BRD8: variants seen among roughly 807,000 people sequenced by gnomAD.
BRD8 encodes the protein bromodomain-containing protein 8.
BRD8 carries 67 observed loss-of-function variants against 143.1 expected under a neutral mutation model. The ratio of observed to expected loss-of-function variants is 0.47; its 90% CI spans 0.38 to 0.57. The LOEUF (loss-of-function observed/expected upper bound fraction) is 0.57, where lower values mean the gene tolerates loss of function less well. BRD8 is among the 20% of genes least tolerant of loss of function. BRD8 has a pLI of 0.00. For missense variants in BRD8, 1,103 were observed against 1,503.0 expected (o/e 0.73, Z 4.40); for synonymous variants, 505 against 517.1 (o/e 0.98, Z 0.32).
At chr5:138,163,046 A>C in intron 15 of BRD8, 84 bp downstream of exon 15, 1 of 1,181,978 alleles carries the variant, frequency 8.5e-7, no homozygotes, top group Non-Finnish European at 1.2e-6. Flanking sequence ...GAAAAGAGAA[A>C]AGACAGGAAG....
In BRD8 at chr5:138,145,895, T is replaced by C; in HGVS notation, c.3279-17A>G. 1 of 1,602,146 alleles carries C rather than the reference T, an allele frequency of 6.2e-7. No individual in the cohort carries two copies. The highest frequency in any genetic ancestry group is 1.1e-5 in the South Asian group (1 of 90,682). On this transcript the variant is annotated splice_polypyrimidine_tract_variant and intron_variant, in intron 23 of 26. Transcript: ENST00000254900. ...AGATCAGTCCTATGAGGATAAAACA[T>C]GAAGAAAAGAGACAGTAACTTCACA... is the stretch of plus-strand genomic sequence containing the variant.
rs945540303 is a variant in BRD8, at chr5:138,149,937, G to A, written c.3121-140C>T. ...AAAGCTACAAAAGAAATTAAAGAAA[G>A]CTGACTTAACTAGATTTAAGTTAAT... is the stretch of plus-strand genomic sequence containing the variant. On this transcript the variant is annotated intron_variant, in intron 22 of 26. Coordinates refer to ENST00000254900, the MANE Select transcript of BRD8 (RefSeq NM_139199.2). 2.3e-5 allele frequency: 18 copies of A among 788,976 alleles called. No individual in the cohort carries two copies. In the Admixed American group the frequency reaches 6.4e-4, roughly 28 times the overall value. 48.9% of individuals were successfully genotyped at this position (788,976 alleles called of 1,614,324 possible).
Position 138,145,254 on chromosome 5 carries a change from G to A in BRD8, c.3369-9C>T. On this transcript the variant is annotated splice_polypyrimidine_tract_variant and intron_variant, in intron 24 of 26. Transcript: ENST00000254900. The stretch of plus-strand genomic sequence containing the variant: ...GAAATGGACTGCTGAACCTGTTAAG[G>A]GACAAACCCAGAGAGGATAAAGAAA... 1 of 1,613,510 alleles carries A rather than the reference G, an allele frequency of 6.2e-7. No homozygotes were observed. Among genetic ancestry groups the A allele is most frequent in the Non-Finnish European group, 8.5e-7 (1 of 1,179,834 alleles).
intron 20 of BRD8, among the ~76,000 whole-genome samples, chr5:138,154,222 A>T (rs1201192305): frequency 6.6e-6 from 1 of 152,124 alleles, no homozygotes; most frequent in Non-Finnish European, 1.5e-5. Flanking sequence ...TAAATTTCTC[A>T]ATCTGCCAAA....
Position 138,164,999 on chromosome 5 carries a change from T to A in BRD8, c.1446A>T (p.Gln482His), listed in dbSNP as rs1275610751. Residue 482 changes from glutamine (Q) to histidine (H), a missense_variant, in exon 12 of 27, where the codon CAA becomes CAT. This residue lies in a region of BRD8 where 139 missense variants were observed against 139.0 expected (regional missense o/e 1.00). Coordinates refer to ENST00000254900, the MANE Select transcript of BRD8 (RefSeq NM_139199.2). Reference protein sequence around the residue: ...PLPAPEMTVKQERLDFEETEN... With the variant: ...PLPAPEMTVKHERLDFEETEN... The stretch of plus-strand genomic sequence containing the variant: ...CCGTTTCCTCAAAGTCCAGTCTCTC[T>A]TGCTTGACCGTCATTTCTGGTGCAG... 6.2e-7 allele frequency: 1 copy of A among 1,614,068 alleles called. No individual in the cohort carries two copies. Among genetic ancestry groups the A allele is most frequent in the African/African-American group, 1.3e-5 (1 of 74,936 alleles).
Position 138,164,838 on chromosome 5 carries a change from G to A in BRD8, c.1607C>T (p.Pro536Leu), listed in dbSNP as rs746201554. The change falls in exon 12 of 27, where the codon CCA becomes CTA. Residue 536 changes from proline to leucine, a missense_variant. Pro to Leu is a moderately conservative substitution (Grantham distance 98). Transcript: ENST00000254900. ...AGVVPATSME[P>L]PELRSQDLDE... The stretch of plus-strand genomic sequence containing the variant: ...TAAGTCCTGACTCCTGAGTTCTGGT[G>A]GCTCCATACTTGTGGCTGGAACAAC... The A allele has an allele frequency of 1.2e-5, 20 of 1,614,080 alleles. No individual in the cohort carries two copies. The highest frequency in any genetic ancestry group is 1.5e-5 in the Non-Finnish European group (18 of 1,180,038).
intron 11 of BRD8, 118 bp from the exon 12 acceptor site, chr5:138,165,284 T>A: frequency 9.0e-7 from 1 of 1,110,270 alleles, no homozygotes; most frequent in Non-Finnish European, 1.3e-6. Context: ...TTTTTCCATG[T>A]AGTGGAGGCA....
chr5:138,163,111 A>G lies in BRD8; in HGVS notation c.2087+19T>C. 1.9e-6 allele frequency: 3 copies of G among 1,611,244 alleles called. No individual in the cohort carries two copies. Among genetic ancestry groups the G allele is most frequent in the Non-Finnish European group, 2.5e-6 (3 of 1,177,808 alleles). ...ACCTTCACTGCCTTGGCCTCAAAGA[A>G]AGAATCTCAGATACTCACAACTGTG... On this transcript the variant is annotated intron_variant, in intron 15 of 26. Transcript: ENST00000254900.
chr5:138,162,784 C>T (rs4639218), intron 15 of BRD8, among the ~76,000 whole-genome samples: 61,645 of 151,592 alleles, frequency 0.41, 12,788 homozygotes, highest in East Asian at 0.59. Context: ...AACGCTTGAG[C>T]TCAGGAGTTT....
At chr5:138,151,891 G>A (rs984505381) in intron 21 of BRD8, among the ~76,000 whole-genome samples, 10 of 151,890 alleles carry the variant, frequency 6.6e-5, no homozygotes, top group Admixed American at 2.6e-4. Flanking sequence ...GTTTCGCTCT[G>A]TCGCCCAGGC....
At position 138,177,295 on chromosome 5, in the gene BRD8, C is replaced by T. The variant is rs1421488199; in HGVS notation, c.116+276G>A. 4 of 235,846 alleles carry T rather than the reference C, an allele frequency of 1.7e-5. 1 individual carries two copies. Among genetic ancestry groups the T allele is most frequent in the Middle Eastern group, 3.6e-3 (2 of 548 alleles). 14.6% of individuals were successfully genotyped at this position (235,846 alleles called of 1,614,324 possible). On this transcript the variant is annotated intron_variant, in intron 2 of 26. Coordinates refer to ENST00000254900, the MANE Select transcript of BRD8 (RefSeq NM_139199.2). ...CTGTAATCCCAGCACTCTGGCAGGC[C>T]GAGGTGGGGGGATCACCTGAGGTCA...
At position 138,157,203 on chromosome 5, in the gene BRD8, AG is replaced by A. The variant is rs758885026; in HGVS notation, c.2577+2351del. On this transcript the variant is annotated intron_variant, in intron 20 of 26. Coordinates refer to ENST00000254900, the MANE Select transcript of BRD8 (RefSeq NM_139199.2). ...GTTCGGCTCAAAGAGGGTAACTCTG[AG>A]GCTTCACTTTTTCATCTTCATATCT... 1.9e-6 allele frequency: 3 copies of A among 1,613,222 alleles called. No individual in the cohort carries two copies. The South Asian group carries it at 3.3e-5, about 18-fold the overall frequency.
intron 1 of BRD8, 25 bp from the exon 2 acceptor site, chr5:138,177,692 A>AAC (rs397721863): frequency 3.4e-6 from 5 of 1,466,234 alleles, no homozygotes; most frequent in Non-Finnish European, 4.7e-6. Context: ...AAAAAAAAAA[A>AAC]GCCTTGGAAA....
intron 7 of BRD8, 51 bp from the exon 8 acceptor site, chr5:138,169,409 A>G (rs1487418196): frequency 6.3e-7 from 1 of 1,586,910 alleles, no homozygotes; most frequent in African/African-American, 1.4e-5. Context: ...AAATAAATGA[A>G]ACTTGACACT....
chr5:138,166,879 C>T (rs1753470087), intron 9 of BRD8, 152 bp from the exon 10 acceptor site: 1 of 606,184 alleles, frequency 1.6e-6, no homozygotes, highest in South Asian at 1.9e-5. Flanking sequence ...TATATCCTTA[C>T]TCTAACCTTA....
intron 20 of BRD8, chr5:138,157,130 G>C: frequency 1.3e-6 from 2 of 1,599,024 alleles, no homozygotes; most frequent in South Asian, 1.1e-5. Flanking sequence ...TCCACCTCTG[G>C]AACTGGGCCC....
chr5:138,166,676 G>A lies in BRD8; in HGVS notation c.839C>T (p.Thr280Ile). Reference sequence around the variant, plus strand: ...AACAGTAGTGAAGGAAGCAAGAGGTGTGGTGAACTGTGTAGGACCAGCTTC... The same window carrying A: ...AACAGTAGTGAAGGAAGCAAGAGGTATGGTGAACTGTGTAGGACCAGCTTC... ...LLEAGPTQFT[T>I]PLASFTTVAS... The change falls in exon 10 of 27, where the codon ACA (threonine) becomes ATA (isoleucine). Residue 280 changes from threonine to isoleucine, a missense_variant. Thr to Ile is a moderately conservative substitution (Grantham distance 89, BLOSUM62 -1). Coordinates refer to ENST00000254900, the MANE Select transcript of BRD8 (RefSeq NM_139199.2). 1 of 1,613,976 alleles carries A rather than the reference G, an allele frequency of 6.2e-7. No homozygotes were observed. The highest frequency in any genetic ancestry group is 8.5e-7 in the Non-Finnish European group (1 of 1,179,880).
chr5:138,174,729 A>G (rs1292438281), intron 2 of BRD8, among the ~76,000 whole-genome samples: 4 of 152,102 alleles, frequency 2.6e-5, no homozygotes, highest in Non-Finnish European at 5.9e-5. Context: ...CTGAAGGTCA[A>G]GCAGCCACCG....
chr5:138,152,522 C>T lies in BRD8; in HGVS notation c.2816G>A (p.Arg939Lys), dbSNP rs758983450. The change falls in exon 21 of 27, where the codon AGG becomes AAG. Residue 939 changes from arginine (R) to lysine (K), a missense_variant. Physicochemically the swap from Arg to Lys is conservative, Grantham distance 26. Around this residue, in one of 7 missense-constraint regions of BRD8, gnomAD observed 369 missense variants for 445.5 expected, o/e 0.83. Coordinates refer to ENST00000254900, the MANE Select transcript of BRD8 (RefSeq NM_139199.2). ...GAGGAGGTTCTGGTGGCTGGCTTTC[C>T]TTGCCGCTTCCTGAGATTCCTCACT... is the stretch of plus-strand genomic sequence containing the variant. ...GGSEESQEAA[R>K]KASHQNLLHF... The T allele has an allele frequency of 1.2e-6, 2 of 1,614,174 alleles. No homozygotes were observed. Among genetic ancestry groups the T allele is most frequent in the South Asian group, 2.2e-5 (2 of 91,086 alleles).
Sources: allele counts gnomAD v4.1 joint callset (sites outside exome capture counted in the v4.1 genomes callset), GRCh38; gene constraint gnomAD v4.1.1; regional missense constraint gnomAD v4.1.1; transcripts MANE v1.5; gene names NCBI Gene and HGNC (gene_info 2026-07-23, HGNC 2026-07-21).